The following DYNC1I1 variants were observed in gnomAD, a reference collection of about 807,000 sequenced individuals.
DYNC1I1 encodes dynein cytoplasmic 1 intermediate chain 1.
A neutral mutation model predicts 86.6 loss-of-function variants in DYNC1I1; 43 were observed. The ratio of observed to expected loss-of-function variants is 0.50; its 90% CI spans 0.39 to 0.64. The LOEUF is 0.64. DYNC1I1 is among the 30% of genes least tolerant of loss of function. The probability of loss-of-function intolerance (pLI) is 0.00; values close to 1 mark genes in which losing one functional copy is unlikely to be tolerated. For missense variants in DYNC1I1, 604 were observed against 788.8 expected, an observed-to-expected ratio of 0.77 and a Z score of 2.81; for synonymous variants, 262 against 283.7, an observed-to-expected ratio of 0.92 and a Z score of 0.77.
intron 1 of DYNC1I1, among the ~76,000 whole-genome samples, chr7:95,773,879 A>T (rs911151596): frequency 6.6e-6 from 1 of 152,182 alleles, no homozygotes; most frequent in Non-Finnish European, 1.5e-5. Context: ...ATAGAGATAT[A>T]CGTTGATCAG....
In DYNC1I1 at chr7:95,803,176, G is replaced by T. The variant is rs542120839; in HGVS notation, c.-9-1545G>T. ...ATGAAAAGGAATTAATAATAAGAATGGTGTACTTGGATTGATATGATTACA... is the reference window on the plus strand; with the variant it reads ...ATGAAAAGGAATTAATAATAAGAATTGTGTACTTGGATTGATATGATTACA... On this transcript the variant is annotated intron_variant, in intron 1 of 16. Transcript: ENST00000447467. 1.3e-3 allele frequency among the ~76,000 whole-genome samples: 199 copies of T among 152,286 alleles called. 2 individuals carry two copies. Among genetic ancestry groups the T allele is most frequent in the Middle Eastern group, 3.4e-3 (1 of 294 alleles).
chr7:95,916,511 T>G (rs976394541), intron 6 of DYNC1I1, among the ~76,000 whole-genome samples: 1 of 152,240 alleles, frequency 6.6e-6, no homozygotes, highest in African/African-American at 2.4e-5. Context: ...GACATTTGTG[T>G]TCTATTAGAT....
At chr7:96,028,469 G>C in intron 11 of DYNC1I1, 148 bp downstream of exon 11, 2 of 1,114,934 alleles carry the variant, frequency 1.8e-6, no homozygotes, top group Non-Finnish European at 2.4e-6. Context: ...TAAAAGTTGA[G>C]TGAAAAGTAG....
At chr7:95,778,840 T>G (rs1034326235) in intron 1 of DYNC1I1, among the ~76,000 whole-genome samples, 1 of 151,966 alleles carries the variant, frequency 6.6e-6, no homozygotes, top group Non-Finnish European at 1.5e-5. Context: ...AAAAATTTTT[T>G]TTTTCATAGG....
intron 10 of DYNC1I1, among the ~76,000 whole-genome samples, chr7:96,014,997 CT>C (rs966831379): frequency 5.9e-5 from 9 of 152,004 alleles, no homozygotes; most frequent in African/African-American, 2.2e-4. Context: ...TTTTTTTCAA[CT>C]CCTGGAGAAT....
rs546477608 is a variant in DYNC1I1 at position 96,000,977 on chromosome 7, T to A, written c.969+4904T>A. Among the ~76,000 whole-genome samples the A allele has an allele frequency of 1.7e-3, 259 of 152,308 alleles. 1 individual carries two copies. Among genetic ancestry groups the A allele is most frequent in the African/African-American group, 6.1e-3 (254 of 41,576 alleles). On this transcript the variant is annotated intron_variant, in intron 10 of 16. Transcript: ENST00000447467. ...TTTAAACAAGTTGTTTTAAAATCGT[T>A]TTATTTGTCTTGCCATGACACATTG...
intron 11 of DYNC1I1, among the ~76,000 whole-genome samples, chr7:96,031,717 A>G (rs1794812074): frequency 6.6e-6 from 1 of 152,226 alleles, no homozygotes; most frequent in African/African-American, 2.4e-5. Flanking sequence ...TATTATGGAC[A>G]GTAACTCACC....
At chr7:95,832,553 C>T (rs2115952582) in intron 5 of DYNC1I1, among the ~76,000 whole-genome samples, 1 of 152,120 alleles carries the variant, frequency 6.6e-6, no homozygotes, top group African/African-American at 2.4e-5. Context: ...CACTGACTTC[C>T]ACAATGGTTG....
intron 10 of DYNC1I1, among the ~76,000 whole-genome samples, chr7:96,004,646 GCACACACACACACA>G (rs34562315): frequency 4.8e-5 from 7 of 146,142 alleles, no homozygotes; most frequent in Admixed American, 1.4e-4. Flanking sequence ...ATAAATGCAT[GCACACACACACACA>G]CACACACACA....
At chr7:95,950,559 G>T (rs189537771) in intron 6 of DYNC1I1, among the ~76,000 whole-genome samples, 28 of 152,312 alleles carry the variant, frequency 1.8e-4, no homozygotes, top group Admixed American at 9.8e-4. Flanking sequence ...GAAAGGCAAT[G>T]AATGAATCTT....
intron 6 of DYNC1I1, among the ~76,000 whole-genome samples, chr7:95,909,212 C>A (rs1462294676): frequency 4.0e-5 from 3 of 75,902 alleles, no homozygotes; most frequent in Admixed American, 2.0e-4. Context: ...CAGCTGAAAA[C>A]TCTGGAGAAA....
chr7:95,950,164 G>A (rs893078546), intron 6 of DYNC1I1, among the ~76,000 whole-genome samples: 1 of 152,144 alleles, frequency 6.6e-6, no homozygotes, highest in African/African-American at 2.4e-5. Context: ...TGTGAAAAAC[G>A]AGCCTTGCGA....
intron 4 of DYNC1I1, among the ~76,000 whole-genome samples, chr7:95,825,990 G>A (rs1795194619): frequency 6.6e-6 from 1 of 152,190 alleles, no homozygotes; most frequent in Admixed American, 6.5e-5. Flanking sequence ...TCATTCTGAT[G>A]AACATGAAAG....
At chr7:95,806,295 G>A (rs954879777) in intron 2 of DYNC1I1, among the ~76,000 whole-genome samples, 5 of 152,154 alleles carry the variant, frequency 3.3e-5, no homozygotes, top group African/African-American at 1.2e-4. Context: ...ACCACTAAAT[G>A]TGATGTGATA....
chr7:95,884,402 C>T (rs1377321934), intron 6 of DYNC1I1, among the ~76,000 whole-genome samples: 1 of 150,866 alleles, frequency 6.6e-6, no homozygotes, highest in Non-Finnish European at 1.5e-5. Flanking sequence ...CCTGGCCCTT[C>T]ATTTTTTTTT....
At chr7:95,776,725 G>A (rs1431618899) in intron 1 of DYNC1I1, among the ~76,000 whole-genome samples, 2 of 152,216 alleles carry the variant, frequency 1.3e-5, no homozygotes, top group Non-Finnish European at 2.9e-5. Context: ...CAGGTGGCAG[G>A]TATAGCAAAC....
At chr7:95,891,889 A>G (rs1436518711) in intron 6 of DYNC1I1, among the ~76,000 whole-genome samples, 3 of 152,008 alleles carry the variant, frequency 2.0e-5, no homozygotes, top group African/African-American at 7.2e-5. Context: ...GTGACCCCCA[A>G]TTTCAAGTAT....
chr7:96,085,481 T>C (rs909277767), intron 16 of DYNC1I1, among the ~76,000 whole-genome samples: 2 of 152,228 alleles, frequency 1.3e-5, no homozygotes, highest in Admixed American at 6.5e-5. Flanking sequence ...CACATGATGC[T>C]GTGTTTATAT....
chr7:95,859,976 A>G (rs1225450666), intron 5 of DYNC1I1, among the ~76,000 whole-genome samples: 1 of 152,006 alleles, frequency 6.6e-6, no homozygotes, highest in Non-Finnish European at 1.5e-5. Context: ...GTAATATAAA[A>G]CTGTCCCTTT....
Sources: allele counts gnomAD v4.1 joint callset (sites outside exome capture counted in the v4.1 genomes callset), GRCh38; gene constraint gnomAD v4.1.1; transcripts MANE v1.5; gene names NCBI Gene and HGNC (gene_info 2026-07-23, HGNC 2026-07-21).